Variants in KALRN observed in about 807,000 individuals in gnomAD.
KALRN encodes the protein kalirin.
A neutral mutation model predicts 353.7 loss-of-function variants in KALRN; 70 were observed. The observed-to-expected ratio is 0.20, with a 90% CI of 0.16 to 0.24. The LOEUF (loss-of-function observed/expected upper bound fraction) is 0.24. KALRN is among the 10% of genes least tolerant of loss of function. The pLI, the probability that KALRN is intolerant of heterozygous loss-of-function variation, is 1.00. For synonymous variants in KALRN, 1,391 were observed against 1,434.8 expected (o/e 0.97, Z 0.69); for missense variants, 2,791 against 3,756.7 (o/e 0.74, Z 6.72).
chr3:124,302,911 C>T (rs1475159626), intron 6 of KALRN, among the ~76,000 whole-genome samples: 3 of 152,136 alleles, frequency 2.0e-5, no homozygotes, highest in Non-Finnish European at 4.4e-5. Context: ...TGGATTAGAT[C>T]CCACCCTAAT....
At chr3:124,205,884 C>G (rs2076368641) in intron 1 of KALRN, among the ~76,000 whole-genome samples, 1 of 152,164 alleles carries the variant, frequency 6.6e-6, no homozygotes, top group Non-Finnish European at 1.5e-5. Flanking sequence ...GTTTTCCCCT[C>G]CCCTGTGCTC....
chr3:124,687,688 C>G (rs764324854), intron 51 of KALRN, among the ~76,000 whole-genome samples: 8 of 116,734 alleles, frequency 6.9e-5, no homozygotes, highest in Middle Eastern at 5.9e-3. Context: ...AAAAATTGAC[C>G]ATGTGTGCTA....
intron 57 of KALRN, among the ~76,000 whole-genome samples, chr3:124,702,452 T>G (rs778150407): frequency 6.6e-6 from 1 of 152,200 alleles, no homozygotes. Context: ...CAACTGTGAA[T>G]TTTTCTTTGA....
At chr3:124,676,019 G>C (rs957861452) in intron 49 of KALRN, among the ~76,000 whole-genome samples, 15 of 152,168 alleles carry the variant, frequency 9.9e-5, no homozygotes, top group African/African-American at 3.1e-4. Context: ...AAGTATACTT[G>C]TTTTGGGTGC....
At chr3:124,559,967 T>TG (rs2109805106) in intron 33 of KALRN, among the ~76,000 whole-genome samples, 2 of 152,360 alleles carry the variant, frequency 1.3e-5, no homozygotes, top group East Asian at 3.9e-4. Flanking sequence ...AATTGCCCAT[T>TG]GATCTTGTTT....
At chr3:124,452,923 C>T (rs966557821) in intron 21 of KALRN, among the ~76,000 whole-genome samples, 1 of 152,172 alleles carries the variant, frequency 6.6e-6, no homozygotes, top group African/African-American at 2.4e-5. Flanking sequence ...GGTGGAGTCA[C>T]TTTACCAAGA....
chr3:124,120,089 T>A (rs1035487405), intron 1 of KALRN, among the ~76,000 whole-genome samples: 2 of 152,156 alleles, frequency 1.3e-5, no homozygotes. Flanking sequence ...AGAGCAAAAC[T>A]GGCTATTCTA....
intron 34 of KALRN, among the ~76,000 whole-genome samples, chr3:124,606,194 T>A (rs2077331216): frequency 6.6e-6 from 1 of 152,198 alleles, no homozygotes; most frequent in Admixed American, 6.5e-5. Flanking sequence ...TCACATTGAT[T>A]GGAGTTTGTG....
intron 14 of KALRN, among the ~76,000 whole-genome samples, chr3:124,421,730 C>T (rs894255553): frequency 2.6e-5 from 4 of 152,092 alleles, no homozygotes; most frequent in South Asian, 2.1e-4. Flanking sequence ...GCTCTCTCTC[C>T]GAGTTCGTTC....
intron 37 of KALRN, among the ~76,000 whole-genome samples, chr3:124,649,113 G>A (rs1227893010): frequency 6.6e-6 from 1 of 152,178 alleles, no homozygotes; most frequent in Admixed American, 6.5e-5. Flanking sequence ...CATTTTGTCA[G>A]TTTGGGGGTG....
intron 47 of KALRN, among the ~76,000 whole-genome samples, chr3:124,668,522 A>G (rs1351658245): frequency 6.6e-6 from 1 of 152,236 alleles, no homozygotes; most frequent in Non-Finnish European, 1.5e-5. Context: ...GGGATTTAGC[A>G]CAGTGTTTTA....
intron 33 of KALRN, among the ~76,000 whole-genome samples, chr3:124,561,857 C>CA (rs2072061429): frequency 1.3e-5 from 2 of 152,208 alleles, no homozygotes; most frequent in Non-Finnish European, 2.9e-5. Context: ...AAGAGGGAGA[C>CA]TGTACTTAGT....
At chr3:124,349,293 GA>G (rs1234905879) in intron 10 of KALRN, among the ~76,000 whole-genome samples, 1 of 152,210 alleles carries the variant, frequency 6.6e-6, no homozygotes, top group Non-Finnish European at 1.5e-5. Flanking sequence ...ATGGAAAGTA[GA>G]ATGGTGGTTG....
intron 3 of KALRN, among the ~76,000 whole-genome samples, chr3:124,242,638 G>A (rs1383398710): frequency 2.6e-5 from 4 of 152,166 alleles, no homozygotes; most frequent in East Asian, 1.9e-4. Context: ...GGACCACTAC[G>A]CTTCAGACTT....
Position 124,547,105 on chromosome 3 carries a change from G to A in KALRN, c.4936-15738G>A, listed in dbSNP as rs186681423. Among the ~76,000 whole-genome samples, 6 of 152,182 alleles carry A rather than the reference G, an allele frequency of 3.9e-5. No homozygotes were observed. The East Asian group carries it at 9.6e-4, about 24-fold the overall frequency. ...CTCCAGAAGGGGTGGTCAAAGCACC[G>A]GGAGAGGAGCACCTCTTTTTTAAAT... On this transcript the variant is annotated intron_variant, in intron 33 of 59. Transcript: ENST00000682506.
intron 1 of KALRN, among the ~76,000 whole-genome samples, chr3:124,057,754 C>G (rs1006754262): frequency 2.6e-4 from 40 of 152,238 alleles, no homozygotes; most frequent in African/African-American, 9.4e-4. Flanking sequence ...CTGTGAGGCT[C>G]TGTATTTCTG....
chr3:124,183,125 G>C (rs901228227), intron 1 of KALRN, among the ~76,000 whole-genome samples: 1 of 152,276 alleles, frequency 6.6e-6, no homozygotes, highest in South Asian at 2.1e-4. Flanking sequence ...AACCCAATCT[G>C]ACTGATGGCC....
At chr3:124,645,626 TTCTCTC>T (rs71145472) in intron 37 of KALRN, among the ~76,000 whole-genome samples, 3,615 of 133,364 alleles carry the variant, frequency 0.027, 114 homozygotes, top group African/African-American at 0.083. Context: ...TGAATAATAT[TTCTCTC>T]TCTCTCTCTC....
chr3:124,265,221 T>C (rs966039181), intron 4 of KALRN, among the ~76,000 whole-genome samples: 3 of 151,890 alleles, frequency 2.0e-5, no homozygotes, highest in Admixed American at 6.6e-5. Flanking sequence ...ATTCCTCTAC[T>C]GTGCTATTGA....
Sources: allele counts gnomAD v4.1 joint callset (sites outside exome capture counted in the v4.1 genomes callset), GRCh38; gene constraint gnomAD v4.1.1; transcripts MANE v1.5; gene names NCBI Gene and HGNC (gene_info 2026-07-23, HGNC 2026-07-21).